ARID1B: variants seen among roughly 807,000 people sequenced by gnomAD.
The protein encoded by ARID1B is AT-rich interaction domain 1B.
A neutral mutation model predicts 212.3 loss-of-function variants in ARID1B; 30 were observed. That is an observed-to-expected ratio of 0.14 (90% CI 0.11 to 0.19). ARID1B has a LOEUF of 0.19. Among genes scored for constraint, ARID1B ranks in the 10% least tolerant of loss-of-function variants. The pLI, the probability that ARID1B is intolerant of heterozygous loss-of-function variation, is 1.00. For synonymous variants in ARID1B, 1,402 were observed against 1,301.7 expected (o/e 1.08, Z -1.66); for missense variants, 2,891 against 3,204.0 (o/e 0.90, Z 2.36).
chr6:157,022,544 A>G (rs1780384785), intron 4 of ARID1B: 1 of 152,216 alleles, frequency 6.6e-6, no homozygotes, highest in Non-Finnish European at 1.5e-5. Context: ...GGATGTTGCA[A>G]TCTGCAATCT....
At chr6:157,031,928 C>T (rs1781039255) in intron 4 of ARID1B, among the ~76,000 whole-genome samples, 1 of 152,086 alleles carries the variant, frequency 6.6e-6, no homozygotes, top group African/African-American at 2.4e-5. Context: ...TCCCAAGTAG[C>T]TGGGACTACC....
At chr6:157,122,568 T>A (rs1222280686) in intron 6 of ARID1B, among the ~76,000 whole-genome samples, 1 of 152,262 alleles carries the variant, frequency 6.6e-6, no homozygotes, top group Non-Finnish European at 1.5e-5. Flanking sequence ...GGAAACGCGC[T>A]TGCCCGGGTC....
intron 4 of ARID1B, among the ~76,000 whole-genome samples, chr6:157,034,976 G>T (rs1781232929): frequency 6.6e-6 from 1 of 152,144 alleles, no homozygotes; most frequent in Admixed American, 6.5e-5. Flanking sequence ...ATAGAATCTG[G>T]GGTGAAGGGT....
In ARID1B at chr6:157,206,091, T is replaced by G. The variant is rs1794420209; in HGVS notation, c.5395-76T>G. On this transcript the variant is annotated intron_variant, in intron 19 of 19. Transcript: ENST00000636930. This position sits in a 1 kb window ranked among gnomAD's most constrained non-coding sequence, Gnocchi z 6.8. ...AAAGGTATTGACGGGTCTCAGGATC[T>G]TTACCCTCCTCGGTCATATCTGATG... 6.7e-7 allele frequency: 1 copy of G among 1,484,264 alleles called. No individual in the cohort carries two copies. Among genetic ancestry groups the G allele is most frequent in the East Asian group, 2.3e-5 (1 of 44,062 alleles). The allele number at this position is 1,484,264 out of a possible 1,614,324, so 91.9% of individuals were successfully genotyped here.
intron 3 of ARID1B, among the ~76,000 whole-genome samples, chr6:156,902,476 AT>A (rs1432895455): frequency 6.6e-6 from 1 of 152,130 alleles, no homozygotes; most frequent in East Asian, 1.9e-4. Context: ...ACGGAGCTTA[AT>A]TTTAATCAGT....
intron 4 of ARID1B, among the ~76,000 whole-genome samples, chr6:157,083,431 G>A (rs1409128565): frequency 6.6e-6 from 1 of 152,130 alleles, no homozygotes. Context: ...TGCTGATGGG[G>A]GCCTCCATGG....
At position 156,779,228 on chromosome 6, in the gene ARID1B, C is replaced by T. The variant is rs770927920; in HGVS notation, c.1548C>T (p.Tyr516=). The T allele has an allele frequency of 4.0e-6, 5 of 1,248,816 alleles. No homozygotes were observed. The highest frequency in any genetic ancestry group is 4.1e-6 in the Non-Finnish European group (4 of 987,118). The allele number at this position is 1,248,816 out of a possible 1,614,324, so 77.4% of individuals were successfully genotyped here. The part of the protein sequence containing the change: ...LTSPSPMMRS[Y]GGSYPEYSSP... ...CGCCCAGCCCCATGATGCGGAGCTACGGCGGCAGCTACCCCGAGTACAGCA... is the reference window on the plus strand; with the variant it reads ...CGCCCAGCCCCATGATGCGGAGCTATGGCGGCAGCTACCCCGAGTACAGCA... The change falls in exon 1 of 20, where the codon TAC becomes TAT. Residue 516 remains tyrosine (Y), a synonymous_variant. Coordinates refer to ENST00000636930, the MANE Select transcript of ARID1B (RefSeq NM_001374828.1).
intron 4 of ARID1B, among the ~76,000 whole-genome samples, chr6:156,949,080 G>C (rs992709302): frequency 2.0e-5 from 3 of 152,254 alleles, no homozygotes; most frequent in Admixed American, 1.3e-4. Context: ...CAGAGGAAGA[G>C]AACACTGCCT....
rs1401119256 is a variant in ARID1B at position 157,110,556 on chromosome 6, A to C, written c.2576A>C (p.Glu859Ala). Reference sequence around the variant, plus strand: ...TTGAGCCAGTCACCAATGCCACAGGAAAGAGGTTCGTCTCCAGTTCATGTC... The same window carrying C: ...TTGAGCCAGTCACCAATGCCACAGGCAAGAGGTTCGTCTCCAGTTCATGTC... ...PALSQSPMPQERGFMAGTQRN... is the reference protein window; with the variant it reads ...PALSQSPMPQARGFMAGTQRN... The change falls in exon 6 of 20, where the codon GAA (glutamate) becomes GCA (alanine). Residue 859 changes from glutamate (E) to alanine (A), a missense_variant. Around this residue, in one of 7 missense-constraint regions of ARID1B, gnomAD observed 1,643 missense variants for 1,544.0 expected, o/e 1.06. Transcript: ENST00000636930. The C allele has an allele frequency of 1.2e-6, 2 of 1,614,180 alleles. No individual in the cohort carries two copies. Among genetic ancestry groups the C allele is most frequent in the Admixed American group, 3.3e-5 (2 of 60,028 alleles).
At chr6:157,182,381 C>T (rs1009659072) in intron 12 of ARID1B, among the ~76,000 whole-genome samples, 3 of 152,208 alleles carry the variant, frequency 2.0e-5, no homozygotes, top group Admixed American at 6.5e-5. Flanking sequence ...TTCTGGAGTC[C>T]AGCTATGCAT....
Position 157,203,119 on chromosome 6 carries a change from G to A in ARID1B, c.5264-747G>A, listed in dbSNP as rs1031637731. ...GTCTCCCCCTCATGCAATGATTCTT[G>A]GTGCCTGGAGAATGCCCCCAGCCTC... On this transcript the variant is annotated intron_variant, in intron 18 of 19. Coordinates refer to ENST00000636930, the MANE Select transcript of ARID1B (RefSeq NM_001374828.1). The surrounding 1 kb of genome is among the most constrained non-coding windows in gnomAD (Gnocchi z 4.4). Among the ~76,000 whole-genome samples the A allele has an allele frequency of 6.6e-6, 1 of 152,110 alleles. No homozygotes were observed. The highest frequency in any genetic ancestry group is 2.4e-5 in the African/African-American group (1 of 41,390).
chr6:157,012,150 A>C (rs1779651721), intron 4 of ARID1B, among the ~76,000 whole-genome samples: 1 of 152,244 alleles, frequency 6.6e-6, no homozygotes, highest in Non-Finnish European at 1.5e-5. Flanking sequence ...ATTCTTCTGA[A>C]AGAACTGCAG....
chr6:156,905,594 A>G (rs917908782), intron 3 of ARID1B, among the ~76,000 whole-genome samples: 5 of 152,196 alleles, frequency 3.3e-5, no homozygotes, highest in African/African-American at 4.8e-5. Context: ...CCCTGATGCC[A>G]CTAAAATCAT....
chr6:156,791,366 A>G (rs1164074744), intron 1 of ARID1B, among the ~76,000 whole-genome samples: 1 of 152,266 alleles, frequency 6.6e-6, no homozygotes, highest in Non-Finnish European at 1.5e-5. Context: ...ATGGCATCAC[A>G]TGATCAAAAT....
At chr6:156,841,741 C>G (rs940247968) in intron 2 of ARID1B, among the ~76,000 whole-genome samples, 16 of 152,100 alleles carry the variant, frequency 1.1e-4, no homozygotes, top group African/African-American at 3.9e-4. Context: ...ATTAACTCAC[C>G]CAGTCCTCAT....
intron 15 of ARID1B, 199 bp from the exon 16 acceptor site, chr6:157,195,966 C>G (rs1048478314): frequency 3.8e-6 from 2 of 525,800 alleles, no homozygotes; most frequent in East Asian, 8.0e-5. Context: ...GAGGGTGACG[C>G]AGGAGAATCG....
At chr6:156,851,314 CG>C (rs1305733348) in intron 2 of ARID1B, among the ~76,000 whole-genome samples, 1 of 152,106 alleles carries the variant, frequency 6.6e-6, no homozygotes, top group African/African-American at 2.4e-5. Flanking sequence ...CAACTTGTTC[CG>C]GGTTATTTAT....
chr6:157,119,962 A>C (rs971878844), intron 6 of ARID1B, among the ~76,000 whole-genome samples: 1 of 152,230 alleles, frequency 6.6e-6, no homozygotes, highest in Admixed American at 6.5e-5. Flanking sequence ...CTATTTGTGA[A>C]ATGAGGATCA....
At chr6:156,862,356 C>T (rs1785392617) in intron 2 of ARID1B, among the ~76,000 whole-genome samples, 1 of 152,188 alleles carries the variant, frequency 6.6e-6, no homozygotes, top group Non-Finnish European at 1.5e-5. Context: ...AATTGTAGGC[C>T]TACAGTGGAA....
Sources: gnomAD v4.1 joint callset for allele counts (sites outside exome capture counted in the v4.1 genomes callset) on GRCh38, gnomAD v4.1.1 for gene constraint, gnomAD v4.1.1 regional missense constraint, Gnocchi (gnomAD v3.1) non-coding constraint, MANE v1.5 for transcripts, NCBI Gene and HGNC (gene_info 2026-07-23, HGNC 2026-07-21) for gene names.